RNF13: variants seen among roughly 807,000 people sequenced by gnomAD.
RNF13 encodes the protein ring finger protein 13, also known as E3 ubiquitin-protein ligase RNF13.
A neutral mutation model predicts 37.7 loss-of-function variants in RNF13; 19 were observed. That is an observed-to-expected ratio of 0.50 (90% CI 0.35 to 0.74). RNF13 has a LOEUF of 0.74. RNF13 is among the 30% of genes least tolerant of loss of function. The pLI, the probability that RNF13 is intolerant of heterozygous loss-of-function variation, is 0.01. For synonymous variants in RNF13, 144 were observed against 157.8 expected (o/e 0.91, Z 0.65); for missense variants, 375 against 453.0 (o/e 0.83, Z 1.56).
chr3:149,835,423 C>T (rs1445841968), intron 1 of RNF13, among the ~76,000 whole-genome samples: 4 of 152,058 alleles, frequency 2.6e-5, no homozygotes, highest in Admixed American at 2.6e-4. Context: ...CCTTCACCCC[C>T]TCCTACCCTT....
intron 4 of RNF13, among the ~76,000 whole-genome samples, chr3:149,878,329 G>A (rs547331435): frequency 5.9e-4 from 90 of 152,146 alleles, no homozygotes; most frequent in Non-Finnish European, 1.2e-3. Context: ...TCGAAAGAAA[G>A]AGAGAAAGAT....
chr3:149,846,034 T>C lies in RNF13; in HGVS notation c.8T>C (p.Leu3Pro), dbSNP rs1722609205. 1 of 1,608,368 alleles carries C rather than the reference T, an allele frequency of 6.2e-7. No individual in the cohort carries two copies. Among genetic ancestry groups the C allele is most frequent in the Non-Finnish European group, 8.5e-7 (1 of 1,177,322 alleles). The change falls in exon 2 of 10, where the codon CTC (leucine) becomes CCC (proline). Residue 3 changes from leucine (L) to proline (P), a missense_variant. By Grantham distance (98) the Leu-to-Pro change is moderately conservative. Coordinates refer to ENST00000392894, the MANE Select transcript of RNF13 (RefSeq NM_183381.3). The part of the protein sequence containing the change: ML[L>P]SIGMLMLSAT... ...AGGTGATTTTACAACGAGATGCTGC[T>C]CTCCATAGGGATGCTCATGCTGTCA...
intron 3 of RNF13, among the ~76,000 whole-genome samples, chr3:149,861,319 T>C (rs73155082): frequency 0.077 from 11,663 of 152,216 alleles, 488 homozygotes; most frequent in Middle Eastern, 0.099. Context: ...ATCAAAGGGA[T>C]ACCTGCACTT....
chr3:149,926,836 G>T (rs1718701868), intron 8 of RNF13, among the ~76,000 whole-genome samples: 2 of 152,144 alleles, frequency 1.3e-5, no homozygotes, highest in East Asian at 1.9e-4. Flanking sequence ...TTCAATTACA[G>T]TAGGTTCATG....
rs866081618 is a variant in RNF13, at chr3:149,912,032, TC to T, written c.558del (p.Phe187SerfsTer4). On this transcript the variant is annotated frameshift_variant, in exon 7 of 10. Coordinates refer to ENST00000392894, the MANE Select transcript of RNF13 (RefSeq NM_183381.3). LOFTEE classifies it high-confidence loss of function. ...FSLPLEYYLIPFLIIVGICLI... is the reference protein window; with the variant it reads ...FSLPLEYYLIXFLIIVGICLI... Reference sequence around the variant, plus strand: ...GTCTTCCTTTGGAATACTACCTAATTCCCTTCCTTATCATAGTGGGCATCTG... The same window carrying T: ...GTCTTCCTTTGGAATACTACCTAATTCCTTCCTTATCATAGTGGGCATCTG... The T allele has an allele frequency of 1.9e-6, 3 of 1,601,354 alleles. No homozygotes were observed. Among genetic ancestry groups the T allele is most frequent in the African/African-American group, 1.3e-5 (1 of 74,640 alleles).
intron 8 of RNF13, among the ~76,000 whole-genome samples, chr3:149,954,187 A>C (rs961378436): frequency 9.9e-5 from 15 of 152,094 alleles, no homozygotes; most frequent in African/African-American, 3.6e-4. Flanking sequence ...AGGTATATAC[A>C]CACAGATGTT....
intron 8 of RNF13, among the ~76,000 whole-genome samples, chr3:149,923,206 A>T (rs762966258): frequency 6.6e-6 from 1 of 152,196 alleles, no homozygotes; most frequent in African/African-American, 2.4e-5. Context: ...CATTATTATT[A>T]TACAGTGATT....
At position 149,961,870 on chromosome 3, in the gene RNF13, TAATA is replaced by T. The variant is rs1365662070; in HGVS notation, c.*771_*774del. On this transcript the variant is annotated 3_prime_UTR_variant, in exon 10 of 10. Coordinates refer to ENST00000392894, the MANE Select transcript of RNF13 (RefSeq NM_183381.3). ...GTTAATACTCAGATCATATACCTCT[TAATA>T]AATAGCATCTTATGCTAATTAGCCC... 6.5e-6 allele frequency: 1 copy of T among 152,860 alleles called. No homozygotes were observed. The highest frequency in any genetic ancestry group is 1.9e-4 in the East Asian group (1 of 5,196). 9.5% of individuals were successfully genotyped at this position (152,860 alleles called of 1,614,324 possible). A position where few individuals can be genotyped will look rare whatever the true frequency, so the allele number is the denominator to read the frequency against.
At chr3:149,824,926 G>A (rs569596799) in intron 1 of RNF13, among the ~76,000 whole-genome samples, 9 of 150,188 alleles carry the variant, frequency 6.0e-5, no homozygotes, top group East Asian at 5.9e-4. Flanking sequence ...CATCACCCAC[G>A]TATTAAGCCT....
At chr3:149,860,300 T>TATATATATATATATATATATAA (rs1467450547) in intron 3 of RNF13, among the ~76,000 whole-genome samples, 7 of 128,718 alleles carry the variant, frequency 5.4e-5, no homozygotes, top group Non-Finnish European at 9.9e-5. Flanking sequence ...TATATATATA[T>TATATATATATATATATATATAA]AACGTGTATA....
intron 8 of RNF13, among the ~76,000 whole-genome samples, chr3:149,959,052 T>C (rs963540828): frequency 1.3e-5 from 2 of 152,360 alleles, no homozygotes; most frequent in Middle Eastern, 3.4e-3. Flanking sequence ...ATTTCTGATA[T>C]GTCTTCCAAG....
chr3:149,845,257 C>T (rs13323267), intron 1 of RNF13, among the ~76,000 whole-genome samples: 2 of 152,014 alleles, frequency 1.3e-5, no homozygotes, highest in African/African-American at 4.8e-5. Context: ...TATAAAAGCC[C>T]TTGTTTTTGT....
At chr3:149,935,141 T>C (rs1559961605) in intron 8 of RNF13, among the ~76,000 whole-genome samples, 1 of 152,186 alleles carries the variant, frequency 6.6e-6, no homozygotes, top group African/African-American at 2.4e-5. Flanking sequence ...AGTGATTTTT[T>C]GGGTCTCTTT....
intron 8 of RNF13, among the ~76,000 whole-genome samples, chr3:149,937,269 A>G (rs892106131): frequency 6.6e-6 from 1 of 152,154 alleles, no homozygotes; most frequent in African/African-American, 2.4e-5. Context: ...TAGTAACCCT[A>G]GACGGTAGGG....
intron 1 of RNF13, among the ~76,000 whole-genome samples, chr3:149,838,416 G>T (rs1456969507): frequency 6.6e-6 from 1 of 152,252 alleles, no homozygotes; most frequent in African/African-American, 2.4e-5. Flanking sequence ...CTCTGCCCCT[G>T]CAGCAAACTT....
intron 8 of RNF13, among the ~76,000 whole-genome samples, chr3:149,951,613 T>G (rs1448796544): frequency 6.6e-6 from 1 of 152,206 alleles, no homozygotes. Flanking sequence ...TAGTTGGGGT[T>G]GTTTGTACCA....
chr3:149,948,876 A>T (rs1721033571), intron 8 of RNF13, among the ~76,000 whole-genome samples: 1 of 152,112 alleles, frequency 6.6e-6, no homozygotes, highest in Non-Finnish European at 1.5e-5. Context: ...AAAAACACAA[A>T]AATTAGCCAG....
intron 8 of RNF13, among the ~76,000 whole-genome samples, chr3:149,935,440 C>A (rs1233024357): frequency 6.6e-6 from 1 of 152,022 alleles, no homozygotes; most frequent in Admixed American, 6.6e-5. Flanking sequence ...TTTTGTAACT[C>A]CTTTTTTACT....
chr3:149,957,230 T>C (rs1043971433), intron 8 of RNF13, among the ~76,000 whole-genome samples: 1 of 152,216 alleles, frequency 6.6e-6, no homozygotes, highest in Non-Finnish European at 1.5e-5. Context: ...CAAATTGCCA[T>C]GGTACATGAA....
Sources: gnomAD v4.1 joint callset for allele counts (sites outside exome capture counted in the v4.1 genomes callset) on GRCh38, gnomAD v4.1.1 for gene constraint, MANE v1.5 for transcripts, NCBI Gene and HGNC (gene_info 2026-07-23, HGNC 2026-07-21) for gene names.